NBAS: variants seen among roughly 807,000 people sequenced by gnomAD.
NBAS encodes NBAS subunit of NRZ tethering complex.
NBAS carries 219 observed loss-of-function variants against 302.5 expected under a neutral mutation model. The ratio of observed to expected loss-of-function variants is 0.72; its 90% CI spans 0.65 to 0.81. The LOEUF (loss-of-function observed/expected upper bound fraction) is 0.81, where lower values mean the gene tolerates loss of function less well. Ranked by LOEUF, NBAS falls within the 30% of genes least tolerant of loss-of-function variation. NBAS has a pLI of 0.00. For synonymous variants in NBAS, 1,118 were observed against 1,021.6 expected (o/e 1.09, Z -1.80); for missense variants, 2,932 against 2,841.6 (o/e 1.03, Z -0.72).
At chr2:14,835,060 G>T in the NBAS span, among the ~76,000 whole-genome samples, 1 of 152,048 alleles carries the variant, frequency 6.6e-6, no homozygotes, top group Non-Finnish European at 1.5e-5. Flanking sequence ...TGGTGAGCAA[G>T]AAAGAAGGAT....
At chr2:15,560,878 A>C in intron 1 of NBAS, among the ~76,000 whole-genome samples, 1 of 151,938 alleles carries the variant, frequency 6.6e-6, no homozygotes, top group South Asian at 2.1e-4. Flanking sequence ...AGCGACACTA[A>C]CAATCCCCTC....
chr2:15,275,809 T>C lies in NBAS; in HGVS notation c.5399A>G (p.Tyr1800Cys). Residue 1800 changes from tyrosine to cysteine, a missense_variant, in exon 44 of 52, where the codon TAC becomes TGC. Physicochemically the swap from Tyr to Cys is radical, Grantham distance 194. Transcript: ENST00000281513. ...KFKVVASGLNYKKLTDENMSP... is the reference protein window; with the variant it reads ...KFKVVASGLNCKKLTDENMSP... ...CATGTTTTCATCTGTCAGCTTTTTG[T>C]AATTAAGACCTAGCAGAAAAAAAAA... 1 of 1,613,254 alleles carries C rather than the reference T, an allele frequency of 6.2e-7. No homozygotes were observed. Among genetic ancestry groups the C allele is most frequent in the Non-Finnish European group, 8.5e-7 (1 of 1,179,982 alleles).
At chr2:15,333,531 C>T (rs552890841) in intron 35 of NBAS, among the ~76,000 whole-genome samples, 1 of 152,184 alleles carries the variant, frequency 6.6e-6, no homozygotes, top group East Asian at 1.9e-4. Context: ...TCAGTCCCAG[C>T]TTAAAATAAT....
the NBAS span, among the ~76,000 whole-genome samples, chr2:14,958,105 C>T: frequency 6.6e-6 from 1 of 152,346 alleles, no homozygotes; most frequent in East Asian, 1.9e-4. Flanking sequence ...ACTTGTCACC[C>T]AGCCAGGCTG....
intron 32 of NBAS, among the ~76,000 whole-genome samples, chr2:15,359,795 G>C (rs1673805103): frequency 6.6e-6 from 1 of 152,096 alleles, no homozygotes; most frequent in Non-Finnish European, 1.5e-5. Flanking sequence ...TCAATACCCA[G>C]CATCAAGTTA....
chr2:15,030,174 G>A, the NBAS span, among the ~76,000 whole-genome samples: 1 of 152,090 alleles, frequency 6.6e-6, no homozygotes, highest in Non-Finnish European at 1.5e-5. Context: ...AGTGTGGAAG[G>A]TGATGTTTTT....
At chr2:15,269,718 A>G (rs944052929) in intron 44 of NBAS, among the ~76,000 whole-genome samples, 1 of 152,218 alleles carries the variant, frequency 6.6e-6, no homozygotes, top group African/African-American at 2.4e-5. Flanking sequence ...CCTTCATGCA[A>G]TTATATTACA....
chr2:15,459,503 C>CTTTTTTTTTTTTTTTTTTT (rs66914120), intron 21 of NBAS, among the ~76,000 whole-genome samples: 1 of 141,388 alleles, frequency 7.1e-6, no homozygotes. Flanking sequence ...AGCATTTTTT[C>CTTTTTTTTTTTTTTTTTTT]TTTTTTTTTG....
chr2:14,999,335 C>A, the NBAS span, among the ~76,000 whole-genome samples: 1 of 152,054 alleles, frequency 6.6e-6, no homozygotes. Flanking sequence ...TATAGAAGGA[C>A]CGCTTGAGCC....
rs189236675 is a variant in NBAS, at chr2:15,534,680, A to C, written c.648-39T>G. 3.7e-4 allele frequency: 510 copies of C among 1,366,588 alleles called. 2 individuals carry two copies. The highest frequency in any genetic ancestry group is 5.0e-4 in the Non-Finnish European group (474 of 954,142). 84.7% of individuals were successfully genotyped at this position (1,366,588 alleles called of 1,614,324 possible). On this transcript the variant is annotated intron_variant, in intron 8 of 51. Transcript: ENST00000281513. ...GGTATGAAAGAAGTAAATACCATTA[A>C]ACCACAATGAATATCACTAAATACC...
At chr2:15,088,006 G>A in the NBAS span, among the ~76,000 whole-genome samples, 1 of 152,216 alleles carries the variant, frequency 6.6e-6, no homozygotes. Flanking sequence ...GCCAGTGCAA[G>A]AGAATTGAGA....
chr2:14,942,565 G>A, the NBAS span, among the ~76,000 whole-genome samples: 3 of 152,140 alleles, frequency 2.0e-5, no homozygotes, highest in South Asian at 2.1e-4. Flanking sequence ...GTGGAACCAT[G>A]AGCCAATTCA....
At chr2:14,835,048 C>T in the NBAS span, among the ~76,000 whole-genome samples, 9 of 152,084 alleles carry the variant, frequency 5.9e-5, no homozygotes, top group East Asian at 7.7e-4. Context: ...GTTTATTAAA[C>T]GTGGTGAGCA....
the NBAS span, among the ~76,000 whole-genome samples, chr2:14,837,164 T>A: frequency 4.0e-5 from 6 of 151,814 alleles, no homozygotes; most frequent in African/African-American, 1.4e-4. Flanking sequence ...CCTCTCACCT[T>A]CCTGCACTAG....
intron 3 of NBAS, among the ~76,000 whole-genome samples, chr2:15,556,520 T>A (rs917361272): frequency 2.0e-5 from 3 of 152,176 alleles, no homozygotes; most frequent in Admixed American, 6.5e-5. Flanking sequence ...ACATTCAAGA[T>A]AAGCCTGAGA....
At chr2:15,483,019 T>C (rs1680491771) in intron 12 of NBAS, among the ~76,000 whole-genome samples, 1 of 152,190 alleles carries the variant, frequency 6.6e-6, no homozygotes, top group Admixed American at 6.5e-5. Flanking sequence ...TAAGAATAGT[T>C]ATAGGTTTTG....
chr2:15,541,178 A>G (rs555750028), intron 6 of NBAS, among the ~76,000 whole-genome samples: 2 of 152,252 alleles, frequency 1.3e-5, no homozygotes, highest in East Asian at 3.9e-4. Flanking sequence ...TACCTCTTTC[A>G]TAGCATTTAT....
At chr2:15,396,106 T>C (rs564677577) in intron 27 of NBAS, among the ~76,000 whole-genome samples, 2 of 152,280 alleles carry the variant, frequency 1.3e-5, no homozygotes, top group African/African-American at 4.8e-5. Context: ...CTTAATCTAA[T>C]ATTGATTCCA....
At chr2:14,845,811 GAAGA>G in the NBAS span, among the ~76,000 whole-genome samples, 1 of 151,976 alleles carries the variant, frequency 6.6e-6, no homozygotes, top group African/African-American at 2.4e-5. Context: ...TGATTAAGTA[GAAGA>G]AAGAATTAGT....
Sources: allele counts gnomAD v4.1 joint callset (sites outside exome capture counted in the v4.1 genomes callset), GRCh38; gene constraint gnomAD v4.1.1; transcripts MANE v1.5; gene names NCBI Gene and HGNC (gene_info 2026-07-23, HGNC 2026-07-21).